The following TXNDC15 variants were observed in gnomAD, a reference collection of about 807,000 sequenced individuals.
TXNDC15 encodes thioredoxin domain-containing protein 15.
In TXNDC15, 24 loss-of-function variants were observed where a neutral mutation model predicts 35.0. The ratio of observed to expected loss-of-function variants is 0.68; its 90% CI spans 0.50 to 0.96. The LOEUF (loss-of-function observed/expected upper bound fraction) is 0.96, where lower values mean the gene tolerates loss of function less well. Among genes scored for constraint, TXNDC15 ranks in the 40% least tolerant of loss-of-function variants. The pLI is 0.00. For synonymous variants in TXNDC15, 169 were observed against 174.0 expected (o/e 0.97, Z 0.23); for missense variants, 385 against 453.3 (o/e 0.85, Z 1.37).
At chr5:134,879,587 G>A (rs1373228412) in intron 1 of TXNDC15, among the ~76,000 whole-genome samples, 1 of 152,048 alleles carries the variant, frequency 6.6e-6, no homozygotes, top group African/African-American at 2.4e-5. Flanking sequence ...TTAACCAAAG[G>A]CTATAGAAAT....
intron 1 of TXNDC15, among the ~76,000 whole-genome samples, chr5:134,883,197 T>C (rs1750195375): frequency 4.0e-5 from 6 of 150,810 alleles, no homozygotes; most frequent in African/African-American, 9.8e-5. Flanking sequence ...GAGGCCAAGG[T>C]GGGTGGATCA....
intron 1 of TXNDC15, 99 bp downstream of exon 1, chr5:134,874,629 C>T: frequency 1.0e-6 from 1 of 971,496 alleles, no homozygotes; most frequent in Non-Finnish European, 1.5e-6. Flanking sequence ...GTGCGCGACT[C>T]GCCCCTTCTT....
chr5:134,899,954 T>C lies in TXNDC15; in HGVS notation c.*269T>C, dbSNP rs1046736731. On this transcript the variant is annotated 3_prime_UTR_variant, in exon 5 of 5. Coordinates refer to ENST00000358387, the MANE Select transcript of TXNDC15 (RefSeq NM_024715.4). The stretch of plus-strand genomic sequence containing the variant: ...ATCCAGTATTTGGAAAGTAATCCAG[T>C]TTGAAATGTGAAGATGTATTCCGGC... 2 of 325,772 alleles carry C rather than the reference T, an allele frequency of 6.1e-6. No individual in the cohort carries two copies. The highest frequency in any genetic ancestry group is 1.1e-5 in the Non-Finnish European group (2 of 180,936). 20.2% of individuals were successfully genotyped at this position (325,772 alleles called of 1,614,324 possible). A position where few individuals can be genotyped will look rare whatever the true frequency, so the allele number is the denominator to read the frequency against.
Position 134,900,471 on chromosome 5 carries a change from T to A in TXNDC15, c.*786T>A, listed in dbSNP as rs1212471551. On this transcript the variant is annotated 3_prime_UTR_variant, in exon 5 of 5. Transcript: ENST00000358387. ...GAGGATCACTTGAGGTTAGGACTTTTGAGACCAGCCTGGCCAACTTGGTGA... is the reference window on the plus strand; with the variant it reads ...GAGGATCACTTGAGGTTAGGACTTTAGAGACCAGCCTGGCCAACTTGGTGA... The A allele has an allele frequency of 6.6e-6, 1 of 152,194 alleles. No homozygotes were observed. Among genetic ancestry groups the A allele is most frequent in the African/African-American group, 2.4e-5 (1 of 41,458 alleles). The allele number at this position is 152,194 out of a possible 1,614,324, so 9.4% of individuals were successfully genotyped here.
intron 1 of TXNDC15, among the ~76,000 whole-genome samples, chr5:134,878,648 CT>C (rs1483807245): frequency 6.6e-6 from 1 of 152,226 alleles, no homozygotes; most frequent in Non-Finnish European, 1.5e-5. Context: ...AACTTCTTTG[CT>C]GCCAGTGATG....
intron 1 of TXNDC15, among the ~76,000 whole-genome samples, chr5:134,887,207 C>T (rs1016750611): frequency 2.6e-5 from 4 of 152,104 alleles, no homozygotes; most frequent in Admixed American, 2.0e-4. Flanking sequence ...TTTTTTGAGA[C>T]GGAGTCTTGC....
At chr5:134,889,918 GC>G (rs1423496393) in intron 2 of TXNDC15, among the ~76,000 whole-genome samples, 1 of 152,214 alleles carries the variant, frequency 6.6e-6, no homozygotes, top group Non-Finnish European at 1.5e-5. Context: ...GCTAAAAAAT[GC>G]TAACGATCAT....
At chr5:134,875,761 C>G (rs527530155) in intron 1 of TXNDC15, among the ~76,000 whole-genome samples, 5 of 152,198 alleles carry the variant, frequency 3.3e-5, no homozygotes, top group Admixed American at 6.5e-5. Flanking sequence ...CCTCTGACTC[C>G]CGGGTTCAAG....
At chr5:134,889,452 G>A (rs988799494) in intron 2 of TXNDC15, among the ~76,000 whole-genome samples, 1 of 152,154 alleles carries the variant, frequency 6.6e-6, no homozygotes, top group Non-Finnish European at 1.5e-5. Context: ...TCAAATTCCC[G>A]ACCTCAACTG....
At chr5:134,898,278 A>C (rs1335804097) in intron 4 of TXNDC15, among the ~76,000 whole-genome samples, 18 of 152,108 alleles carry the variant, frequency 1.2e-4, no homozygotes, top group Non-Finnish European at 1.5e-5. Flanking sequence ...CTACTGTTCC[A>C]TTTATTAATC....
At chr5:134,891,912 CAAAT>C (rs550947482) in intron 2 of TXNDC15, among the ~76,000 whole-genome samples, 19 of 151,836 alleles carry the variant, frequency 1.3e-4, no homozygotes, top group Non-Finnish European at 1.9e-4. Context: ...AAGACCTTGT[CAAAT>C]AAATAAATAA....
intron 1 of TXNDC15, 146 bp from the exon 2 acceptor site, chr5:134,887,549 A>G: frequency 1.0e-6 from 1 of 984,370 alleles, no homozygotes; most frequent in Non-Finnish European, 1.5e-6. Context: ...AACCTGGGAA[A>G]TGGTGAGTAG....
rs1253850849 is a variant in TXNDC15, at chr5:134,893,585, C to T, written c.685C>T (p.His229Tyr). The T allele has an allele frequency of 5.6e-6, 9 of 1,614,124 alleles. No homozygotes were observed. Among genetic ancestry groups the T allele is most frequent in the South Asian group, 1.1e-5 (1 of 91,092 alleles). ...CCGCTTTTCTGCCAGTTTGGCCCCT[C>T]ACTTTAACTCTCTGCCCCGGGCATT... ...WCRFSASLAP[H>Y]FNSLPRAFPA... Residue 229 changes from histidine (H) to tyrosine (Y), a missense_variant, in exon 3 of 5, where the codon CAC becomes TAC. Transcript: ENST00000358387.
rs144324005 is a variant in TXNDC15, at chr5:134,874,453, C to T, written c.26C>T (p.Pro9Leu). ...ATGGTCCCGGCTGCCGGTCGACGACCGCCCCGCGTCATGCGGCTCCTCGGC... is the reference window on the plus strand; with the variant it reads ...ATGGTCCCGGCTGCCGGTCGACGACTGCCCCGCGTCATGCGGCTCCTCGGC... MVPAAGRR[P>L]PRVMRLLGWW... is the part of the protein sequence containing the mutation. The change falls in exon 1 of 5, where the codon CCG becomes CTG. Residue 9 changes from proline (P) to leucine (L), a missense_variant. Coordinates refer to ENST00000358387, the MANE Select transcript of TXNDC15 (RefSeq NM_024715.4). The T allele has an allele frequency of 1.6e-5, 25 of 1,603,894 alleles. No homozygotes were observed. Among genetic ancestry groups the T allele is most frequent in the Non-Finnish European group, 1.9e-5 (22 of 1,177,470 alleles).
At chr5:134,888,694 C>G (rs1750327652) in intron 2 of TXNDC15, among the ~76,000 whole-genome samples, 1 of 152,126 alleles carries the variant, frequency 6.6e-6, no homozygotes. Flanking sequence ...GTTGGCCAGG[C>G]TGGTCTCAAA....
In TXNDC15 at chr5:134,896,359, T is replaced by C; in HGVS notation, c.821T>C (p.Met274Thr). The C allele has an allele frequency of 6.2e-7, 1 of 1,614,030 alleles. No homozygotes were observed. ...NILLFQGAKPMARFNHTDRTL... is the reference protein window; with the variant it reads ...NILLFQGAKPTARFNHTDRTL... ...TTATTATTTCAAGGAGCTAAACCAA[T>C]GGCCAGATTTAATCATACAGATCGA... Residue 274 changes from methionine (M) to threonine (T), a missense_variant, in exon 4 of 5, where the codon ATG becomes ACG. Physicochemically the swap from Met to Thr is moderately conservative, Grantham distance 81. Coordinates refer to ENST00000358387, the MANE Select transcript of TXNDC15 (RefSeq NM_024715.4).
Position 134,888,024 on chromosome 5 carries a change from G to C in TXNDC15, c.433G>C (p.Glu145Gln), listed in dbSNP as rs1750312887. Residue 145 changes from glutamate to glutamine, a missense_variant, in exon 2 of 5, where the codon GAG becomes CAG. Transcript: ENST00000358387. ...GAGAHFPDREEEYYTEPEVAE... is the reference protein window; with the variant it reads ...GAGAHFPDREQEYYTEPEVAE... ...TGGAGCACACTTCCCTGACAGAGAA[G>C]AGGAGTATTACACAGAGCCAGAAGT... is the stretch of plus-strand genomic sequence containing the variant. 3 of 1,614,126 alleles carry C rather than the reference G, an allele frequency of 1.9e-6. No individual in the cohort carries two copies. The East Asian group carries it at 6.7e-5, about 36-fold the overall frequency.
At chr5:134,893,325 C>T in intron 2 of TXNDC15, 167 bp from the exon 3 acceptor site, 1 of 662,210 alleles carries the variant, frequency 1.5e-6, no homozygotes, top group Non-Finnish European at 2.5e-6. Flanking sequence ...TTGCTGGTTC[C>T]TGGATTCATA....
intron 1 of TXNDC15, among the ~76,000 whole-genome samples, chr5:134,886,211 C>G (rs962393495): frequency 1.1e-4 from 16 of 152,218 alleles, no homozygotes; most frequent in Admixed American, 4.6e-4. Context: ...AAAAGCTCTA[C>G]AGGGATATTC....
Sources: allele counts gnomAD v4.1 joint callset (sites outside exome capture counted in the v4.1 genomes callset), GRCh38; gene constraint gnomAD v4.1.1; transcripts MANE v1.5; gene names NCBI Gene and HGNC (gene_info 2026-07-23, HGNC 2026-07-21).